Variants in FHIT observed in about 807,000 individuals in gnomAD.
The protein encoded by FHIT is fragile histidine triad diadenosine triphosphatase, also known as bis(5'-adenosyl)-triphosphatase.
In FHIT, 19 loss-of-function variants were observed where a neutral mutation model predicts 17.9. That is an observed-to-expected ratio of 1.06 (90% CI 0.74 to 1.56). The LOEUF (loss-of-function observed/expected upper bound fraction) is 1.56. Ranked by LOEUF, FHIT falls within the 40% of genes most tolerant of loss-of-function variation. The pLI, the probability that FHIT is intolerant of heterozygous loss-of-function variation, is 0.00. For synonymous variants in FHIT, 81 were observed against 69.7 expected (o/e 1.16, Z -0.81); for missense variants, 248 against 189.2 (o/e 1.31, Z -1.82).
At chr3:60,489,814 G>C (rs557213895) in intron 5 of FHIT, among the ~76,000 whole-genome samples, 2 of 152,232 alleles carry the variant, frequency 1.3e-5, no homozygotes, top group African/African-American at 4.8e-5. Context: ...ATAGCCAAAA[G>C]ACTGCCATAC....
chr3:60,397,231 T>C (rs1428660345), intron 5 of FHIT, among the ~76,000 whole-genome samples: 1 of 152,188 alleles, frequency 6.6e-6, no homozygotes, highest in Non-Finnish European at 1.5e-5. Context: ...CCCTTTGCAT[T>C]AGCTCAGGTT....
chr3:59,832,185 C>T (rs1701187638), intron 8 of FHIT, among the ~76,000 whole-genome samples: 2 of 152,128 alleles, frequency 1.3e-5, no homozygotes, highest in African/African-American at 4.8e-5. Context: ...GGAGCCACTT[C>T]ATATCTATAT....
At chr3:60,563,788 C>A (rs2037037716) in intron 4 of FHIT, among the ~76,000 whole-genome samples, 1 of 152,132 alleles carries the variant, frequency 6.6e-6, no homozygotes, top group Admixed American at 6.6e-5. Context: ...AAGTCTGAAG[C>A]TAGCAGAGAT....
At chr3:60,892,854 A>G (rs1705590889) in intron 3 of FHIT, among the ~76,000 whole-genome samples, 2 of 152,212 alleles carry the variant, frequency 1.3e-5, no homozygotes, top group Non-Finnish European at 2.9e-5. Context: ...CATAACTACA[A>G]AATACAACTA....
intron 8 of FHIT, among the ~76,000 whole-genome samples, chr3:59,920,039 A>C (rs1374752088): frequency 6.6e-6 from 1 of 152,240 alleles, no homozygotes; most frequent in African/African-American, 2.4e-5. Context: ...TCACCCTTGG[A>C]AAGAATGGTA....
At chr3:60,462,935 A>G (rs2032566681) in intron 5 of FHIT, among the ~76,000 whole-genome samples, 2 of 152,322 alleles carry the variant, frequency 1.3e-5, no homozygotes, top group African/African-American at 2.4e-5. Context: ...ATTCCTGGTC[A>G]TATTGTCACA....
intron 3 of FHIT, among the ~76,000 whole-genome samples, chr3:60,912,027 C>T (rs538869143): frequency 1.5e-4 from 22 of 144,914 alleles, no homozygotes; most frequent in South Asian, 8.8e-4. Flanking sequence ...AAGGTGTTTC[C>T]GCCTCTGCCT....
intron 3 of FHIT, among the ~76,000 whole-genome samples, chr3:60,956,734 G>A (rs1709181368): frequency 6.6e-6 from 1 of 152,118 alleles, no homozygotes; most frequent in Non-Finnish European, 1.5e-5. Context: ...ACCAGAAGCT[G>A]GAAGAAAAGG....
intron 4 of FHIT, among the ~76,000 whole-genome samples, chr3:60,763,042 T>C (rs1699714309): frequency 6.6e-6 from 1 of 152,162 alleles, no homozygotes; most frequent in African/African-American, 2.4e-5. Context: ...AATGCAATTC[T>C]CTCTGACACA....
In FHIT at chr3:61,071,655, T is replaced by C. The variant is rs149647850; in HGVS notation, c.-163-29556A>G. On this transcript the variant is annotated intron_variant, in intron 2 of 9. Transcript: ENST00000492590. Reference sequence around the variant, plus strand: ...TGGAACAGCAAGATATAAAACAGTCTATGCAGCCTATTTCCAATATGTTTA... The same window carrying C: ...TGGAACAGCAAGATATAAAACAGTCCATGCAGCCTATTTCCAATATGTTTA... Among the ~76,000 whole-genome samples, 67 of 152,314 alleles carry C rather than the reference T, an allele frequency of 4.4e-4. No homozygotes were observed. The East Asian group carries it at 9.8e-3, about 22-fold the overall frequency.
chr3:59,839,637 C>T (rs1270706669), intron 8 of FHIT, among the ~76,000 whole-genome samples: 1 of 152,140 alleles, frequency 6.6e-6, no homozygotes, highest in Admixed American at 6.5e-5. Flanking sequence ...GAGCAGGCAG[C>T]CATGGCTTCT....
Position 61,190,300 on chromosome 3 carries a change from C to T in FHIT, c.-164+10317G>A, listed in dbSNP as rs369180074. On this transcript the variant is annotated intron_variant, in intron 2 of 9. Transcript: ENST00000492590. ...TGAACAGACACTTCTCAAAAGAAGA[C>T]ATTTATGCAGCCAAAAGACACATGA... Among the ~76,000 whole-genome samples the T allele has an allele frequency of 6.6e-4, 101 of 152,292 alleles. 1 individual carries two copies. The East Asian group carries it at 0.018, about 26-fold the overall frequency.
chr3:60,161,925 C>T (rs1700959065), intron 5 of FHIT, among the ~76,000 whole-genome samples: 1 of 152,124 alleles, frequency 6.6e-6, no homozygotes, highest in African/African-American at 2.4e-5. Context: ...GTAGATCACT[C>T]TTCTCTGCTG....
chr3:60,596,391 T>C (rs1158561453), intron 4 of FHIT, among the ~76,000 whole-genome samples: 3 of 152,128 alleles, frequency 2.0e-5, no homozygotes, highest in African/African-American at 7.2e-5. Flanking sequence ...GCCTTTGGGA[T>C]CACCCTTTTT....
At chr3:60,248,221 C>T (rs942318986) in intron 5 of FHIT, among the ~76,000 whole-genome samples, 2 of 152,050 alleles carry the variant, frequency 1.3e-5, no homozygotes, top group African/African-American at 4.8e-5. Context: ...TTCTTTGGTA[C>T]AAAAACCTTC....
intron 7 of FHIT, among the ~76,000 whole-genome samples, chr3:59,977,649 C>A (rs548385064): frequency 7.2e-5 from 11 of 152,242 alleles, no homozygotes; most frequent in Admixed American, 6.5e-4. Flanking sequence ...TTTCGTCTAA[C>A]AATTAAAAGC....
chr3:60,869,992 T>C (rs1338687787), intron 3 of FHIT, among the ~76,000 whole-genome samples: 1 of 152,210 alleles, frequency 6.6e-6, no homozygotes, highest in East Asian at 1.9e-4. Context: ...TGATTCTTAA[T>C]TTTTCCTTAT....
rs747844906 is a variant in FHIT, at chr3:60,384,124, C to T, written c.103+152736G>A. On this transcript the variant is annotated intron_variant, in intron 5 of 9. Transcript: ENST00000492590. ...CGCTACTAAAATACAAAAAATTAGA[C>T]GAGTGTGGTGCTGCGTGCCTATAAT... Among the ~76,000 whole-genome samples, 7 of 152,008 alleles carry T rather than the reference C, an allele frequency of 4.6e-5. 1 individual carries two copies. Among genetic ancestry groups the T allele is most frequent in the South Asian group, 4.2e-4 (2 of 4,798 alleles).
intron 4 of FHIT, among the ~76,000 whole-genome samples, chr3:60,715,704 T>A (rs535337677): frequency 6.6e-6 from 1 of 151,848 alleles, no homozygotes; most frequent in Non-Finnish European, 1.5e-5. Context: ...CACACCAGCA[T>A]GGCACATGTA....
Sources: allele counts gnomAD v4.1 joint callset (sites outside exome capture counted in the v4.1 genomes callset), GRCh38; gene constraint gnomAD v4.1.1; transcripts MANE v1.5; gene names NCBI Gene and HGNC (gene_info 2026-07-23, HGNC 2026-07-21).